The following MFSD1 variants were observed in gnomAD, a reference collection of about 807,000 sequenced individuals.
MFSD1 encodes the protein major facilitator superfamily domain containing 1.
Under a neutral mutation model 67.1 loss-of-function variants are expected in MFSD1, and 59 were observed. That is an observed-to-expected ratio of 0.88 (90% CI 0.71 to 1.09). MFSD1 has a LOEUF of 1.09. Among genes scored for constraint, MFSD1 ranks in the 50% least tolerant of loss-of-function variants. MFSD1 has a pLI of 0.00. For missense variants in MFSD1, 552 were observed against 566.1 expected (o/e 0.97, Z 0.25); for synonymous variants, 213 against 200.3 (o/e 1.06, Z -0.54).
chr3:158,806,200 A>G (rs1197340594), intron 3 of MFSD1, among the ~76,000 whole-genome samples: 1 of 152,228 alleles, frequency 6.6e-6, no homozygotes. Context: ...TAACCTTTAA[A>G]ATTTTTGAAG....
rs1730583160 is a variant in MFSD1 at position 158,819,846 on chromosome 3, G to A, written c.751+99G>A. 10 of 593,386 alleles carry A rather than the reference G, an allele frequency of 1.7e-5. 1 individual carries two copies. The South Asian group carries it at 2.4e-4, about 14-fold the overall frequency. The allele number at this position is 593,386 out of a possible 1,614,324, so 36.8% of individuals were successfully genotyped here. ...CTAATGAAGTGTTGTAAAACCAGGT[G>A]GAGCTTAAGACATGATTTTTATTTT... On this transcript the variant is annotated intron_variant, in intron 8 of 15. Transcript: ENST00000415822.
chr3:158,802,130 C>T lies in MFSD1; in HGVS notation c.-23C>T, dbSNP rs1426510622. On this transcript the variant is annotated 5_prime_UTR_variant, in exon 1 of 16. Transcript: ENST00000415822. ...GGGTTTGGAGTTGTCACCACTTTCCCCTCTCCGTCTCCTGCGGGCGCAATG... is the reference window on the plus strand; with the variant it reads ...GGGTTTGGAGTTGTCACCACTTTCCTCTCTCCGTCTCCTGCGGGCGCAATG... 2 of 1,610,942 alleles carry T rather than the reference C, an allele frequency of 1.2e-6. No individual in the cohort carries two copies. Among genetic ancestry groups the T allele is most frequent in the African/African-American group, 1.3e-5 (1 of 75,024 alleles).
chr3:158,810,063 T>C (rs1187275157), intron 6 of MFSD1, among the ~76,000 whole-genome samples: 1 of 152,202 alleles, frequency 6.6e-6, no homozygotes, highest in East Asian at 1.9e-4. Context: ...CTCACTTTGT[T>C]GCCCAAGCTG....
At chr3:158,805,283 T>G in intron 2 of MFSD1, 79 bp from the exon 3 acceptor site, 1 of 1,150,476 alleles carries the variant, frequency 8.7e-7, no homozygotes, top group Non-Finnish European at 1.3e-6. Flanking sequence ...ACTTTCCACT[T>G]TAGATTGTCA....
intron 12 of MFSD1, 58 bp downstream of exon 12, chr3:158,823,583 C>T (rs1295220429): frequency 2.5e-6 from 3 of 1,209,242 alleles, no homozygotes; most frequent in Middle Eastern, 1.9e-4. Flanking sequence ...ATTTAATTAT[C>T]ATATAAAACT....
chr3:158,805,327 T>C (rs747354737), intron 2 of MFSD1, 35 bp from the exon 3 acceptor site: 31 of 1,517,662 alleles, frequency 2.0e-5, no homozygotes, highest in Non-Finnish European at 2.8e-5. Flanking sequence ...ACTTAACTGT[T>C]TGGAAAAAAA....
rs1450985376 is a variant in MFSD1 at position 158,817,937 on chromosome 3, TTATAA to T, written c.653-1705_653-1701del. Among the ~76,000 whole-genome samples the T allele has an allele frequency of 9.2e-5, 14 of 152,292 alleles. 1 individual carries two copies. The East Asian group carries it at 2.7e-3, about 29-fold the overall frequency. On this transcript the variant is annotated intron_variant, in intron 7 of 15. Coordinates refer to ENST00000415822, the MANE Select transcript of MFSD1 (RefSeq NM_022736.4). ...TATCTCCTGTTCAATTTGGATCCTATTATAATATAATTACAGTTGTTTCAACAAGA... is the reference window on the plus strand; with the variant it reads ...TATCTCCTGTTCAATTTGGATCCTATTATAATTACAGTTGTTTCAACAAGA...
rs746146458 is a variant in MFSD1 at position 158,821,584 on chromosome 3, T to G, written c.864-13T>G. On this transcript the variant is annotated splice_polypyrimidine_tract_variant and intron_variant, in intron 9 of 15. Transcript: ENST00000415822. ...TCTCTAATGTGCTAATTTCTCTGTC[T>G]TTTTAATTTTAGAGTTTTCTTTACA... 6.3e-7 allele frequency: 1 copy of G among 1,586,766 alleles called. No individual in the cohort carries two copies. The highest frequency in any genetic ancestry group is 8.6e-7 in the Non-Finnish European group (1 of 1,158,914).
intron 9 of MFSD1, 84 bp downstream of exon 9, chr3:158,820,410 A>G: frequency 1.1e-6 from 1 of 905,156 alleles, no homozygotes; most frequent in Non-Finnish European, 1.8e-6. Context: ...TAAAGCAGTA[A>G]ATCTTGCTTC....
intron 7 of MFSD1, among the ~76,000 whole-genome samples, chr3:158,818,686 G>A (rs771416202): frequency 2.0e-5 from 3 of 152,090 alleles, no homozygotes; most frequent in Non-Finnish European, 4.4e-5. Context: ...CAGTGGAGTG[G>A]TAATCCTAAG....
chr3:158,808,488 T>C (rs962148178), intron 5 of MFSD1, among the ~76,000 whole-genome samples: 2 of 152,206 alleles, frequency 1.3e-5, no homozygotes, highest in Admixed American at 6.5e-5. Flanking sequence ...GAGCTTTGCA[T>C]ATTGTTCTGA....
In MFSD1 at chr3:158,827,397, C is replaced by T. The variant is rs6792666; in HGVS notation, c.1394+60C>T. 7.2e-4 allele frequency: 632 copies of T among 880,428 alleles called. 3 individuals are homozygous for T. In the African/African-American group the frequency reaches 0.01, roughly 14 times the overall value. The allele number at this position is 880,428 out of a possible 1,614,324, so 54.5% of individuals were successfully genotyped here. ...TTTGAAATCTTAAATATGAGCATTT[C>T]GTTTCAAGGTTTGGGCTTTGAAGTT... is the stretch of plus-strand genomic sequence containing the variant. On this transcript the variant is annotated intron_variant, in intron 15 of 15. Transcript: ENST00000415822.
At chr3:158,814,450 A>G (rs1730211399) in intron 7 of MFSD1, among the ~76,000 whole-genome samples, 1 of 151,932 alleles carries the variant, frequency 6.6e-6, no homozygotes, top group African/African-American at 2.4e-5. Flanking sequence ...CCTCCCGAGT[A>G]GCTGGGATTA....
At chr3:158,815,050 C>A (rs1256192967) in intron 7 of MFSD1, among the ~76,000 whole-genome samples, 2 of 152,182 alleles carry the variant, frequency 1.3e-5, no homozygotes, top group Admixed American at 1.3e-4. Flanking sequence ...CCGTTGCACT[C>A]CAGCCTGGAC....
intron 7 of MFSD1, among the ~76,000 whole-genome samples, chr3:158,815,792 ATCCC>A (rs1730298617): frequency 6.6e-6 from 1 of 151,390 alleles, no homozygotes; most frequent in Non-Finnish European, 1.5e-5. Context: ...TCCTAATGCT[ATCCC>A]TCCCTCCTCC....
At chr3:158,824,009 A>C (rs1221448373) in intron 12 of MFSD1, 115 bp from the exon 13 acceptor site, 1 of 793,826 alleles carries the variant, frequency 1.3e-6, no homozygotes, top group African/African-American at 1.7e-5. Context: ...GGTGGAAAAC[A>C]TCTCTGAACA....
intron 3 of MFSD1, among the ~76,000 whole-genome samples, chr3:158,806,685 G>A (rs555006926): frequency 6.6e-6 from 1 of 152,158 alleles, no homozygotes; most frequent in Non-Finnish European, 1.5e-5. Flanking sequence ...GAAATTTTAT[G>A]AAGAATTTAC....
intron 15 of MFSD1, 104 bp downstream of exon 15, chr3:158,827,441 T>C: frequency 1.7e-6 from 1 of 589,346 alleles, no homozygotes. Context: ...TTTTTTTGAT[T>C]CCCATGCTTG....
intron 3 of MFSD1, among the ~76,000 whole-genome samples, chr3:158,805,972 A>C (rs2108204947): frequency 6.6e-6 from 1 of 152,284 alleles, no homozygotes; most frequent in Non-Finnish European, 1.5e-5. Flanking sequence ...GGGGTGTAAA[A>C]CATTTTGTGA....
Sources: allele counts gnomAD v4.1 joint callset (sites outside exome capture counted in the v4.1 genomes callset), GRCh38; gene constraint gnomAD v4.1.1; transcripts MANE v1.5; gene names NCBI Gene and HGNC (gene_info 2026-07-23, HGNC 2026-07-21).